FAM47E: variants seen among roughly 807,000 people sequenced by gnomAD.
FAM47E encodes family with sequence similarity 47 member E.
Under a neutral mutation model 41.6 loss-of-function variants are expected in FAM47E, and 32 were observed. The observed-to-expected ratio is 0.77, with a 90% CI of 0.58 to 1.03. The LOEUF is 1.03. FAM47E is among the 50% of genes least tolerant of loss of function. The probability of loss-of-function intolerance (pLI) is 0.00; values close to 1 mark genes in which losing one functional copy is unlikely to be tolerated. For missense variants in FAM47E, 424 were observed against 485.4 expected (o/e 0.87, Z 1.19); for synonymous variants, 184 against 188.7 (o/e 0.98, Z 0.20).
chr4:76,262,296 A>G (rs1578784847), intron 2 of FAM47E, among the ~76,000 whole-genome samples: 1 of 152,346 alleles, frequency 6.6e-6, no homozygotes, highest in South Asian at 2.1e-4. Flanking sequence ...CAAGACTTCA[A>G]AATATAGTTA....
upstream of FAM47E, among the ~76,000 whole-genome samples, chr4:76,247,867 T>C (rs573817817): frequency 2.7e-3 from 409 of 151,214 alleles, 1 homozygote; most frequent in Non-Finnish European, 3.9e-3. Context: ...AGGTATATGA[T>C]GTGCAAAGAT....
chr4:76,271,799 C>A, intron 5 of FAM47E, 31 bp downstream of exon 5: 1 of 1,538,744 alleles, frequency 6.5e-7, no homozygotes. Context: ...GACCGAAAAT[C>A]AAAGAAAATT....
chr4:76,237,493 C>T (rs545561903), intron 2 of FAM47E, among the ~76,000 whole-genome samples: 2 of 152,096 alleles, frequency 1.3e-5, no homozygotes, highest in East Asian at 1.9e-4. Context: ...CCCAATCCAG[C>T]TCCATGTATC....
intron 4 of FAM47E, among the ~76,000 whole-genome samples, chr4:76,270,799 G>A (rs28618267): frequency 0.2 from 30,761 of 152,072 alleles, 3,218 homozygotes; most frequent in Middle Eastern, 0.3. Flanking sequence ...GCACTAGCTT[G>A]TGCTTTTCCT....
rs185364914 is a variant in FAM47E, at chr4:76,232,847, T to C, written c.81+15159T>C. Among the ~76,000 whole-genome samples, 4 of 152,258 alleles carry C rather than the reference T, an allele frequency of 2.6e-5. No homozygotes were observed. In the East Asian group the frequency reaches 7.7e-4, roughly 29 times the overall value. On this transcript the variant is annotated intron_variant, in intron 2 of 7. Transcript: ENST00000510197. ...AACATTTGATATTATGAAATAGTGT[T>C]CCAGATTACTATAAACAATTTTGCC...
chr4:76,232,304 T>G (rs985325829), intron 2 of FAM47E, among the ~76,000 whole-genome samples: 2 of 152,232 alleles, frequency 1.3e-5, no homozygotes, highest in African/African-American at 4.8e-5. Flanking sequence ...ACATTTCAGC[T>G]CTTCATGAGT....
chr4:76,225,253 G>A (rs1051857990), intron 2 of FAM47E, among the ~76,000 whole-genome samples: 5 of 152,154 alleles, frequency 3.3e-5, no homozygotes, highest in Non-Finnish European at 7.3e-5. Context: ...AAAGACACAT[G>A]TGCAAGTGTC....
intron 2 of FAM47E, among the ~76,000 whole-genome samples, chr4:76,231,310 C>T (rs1733488457): frequency 2.0e-5 from 3 of 152,164 alleles, no homozygotes; most frequent in Admixed American, 2.0e-4. Context: ...GATAATTCCT[C>T]AGAATTAGAA....
intron 2 of FAM47E, among the ~76,000 whole-genome samples, chr4:76,227,522 G>A (rs565329724): frequency 6.6e-6 from 1 of 152,284 alleles, no homozygotes; most frequent in Admixed American, 6.5e-5. Context: ...TGCAGTTGTT[G>A]GGTATAATGT....
intron 2 of FAM47E, among the ~76,000 whole-genome samples, chr4:76,224,297 A>C (rs936646686): frequency 2.6e-5 from 4 of 152,210 alleles, no homozygotes; most frequent in Admixed American, 2.6e-4. Context: ...CGAAGGAAAA[A>C]TAAAACTTCT....
At chr4:76,233,043 A>G (rs35472515) in intron 2 of FAM47E, among the ~76,000 whole-genome samples, 22,739 of 152,118 alleles carry the variant, frequency 0.15, 2,000 homozygotes, top group East Asian at 0.35. Flanking sequence ...CTTTAACCCT[A>G]GGCAAAAATT....
At chr4:76,219,409 G>C (rs1237605329) in intron 2 of FAM47E, among the ~76,000 whole-genome samples, 1 of 152,216 alleles carries the variant, frequency 6.6e-6, no homozygotes, top group Non-Finnish European at 1.5e-5. Context: ...GTACTTTCTA[G>C]AAGCAAATGA....
In FAM47E at chr4:76,273,448, GCCTT is replaced by G. The variant is rs145989558; in HGVS notation, c.870+1684_870+1687del. ...TTTTAAAAATTTCACTAAAGGTCTT[GCCTT>G]CCTGTCTTCTTGGTTGTACTGTTTC... On this transcript the variant is annotated intron_variant, in intron 5 of 7. Coordinates refer to ENST00000424749, the MANE Select transcript of FAM47E (RefSeq NM_001136570.3). 9.5e-3 allele frequency among the ~76,000 whole-genome samples: 1,442 copies of G among 152,282 alleles called. 15 individuals are homozygous for G. Among genetic ancestry groups the G allele is most frequent in the African/African-American group, 0.032 (1,336 of 41,568 alleles).
At chr4:76,251,873 G>T in intron 1 of FAM47E, 53 bp downstream of exon 1, 3 of 1,363,202 alleles carry the variant, frequency 2.2e-6, no homozygotes, top group Non-Finnish European at 2.8e-6. Flanking sequence ...CCGCGCGGGG[G>T]CGCCTGGAGA....
At position 76,268,726 on chromosome 4, in the gene FAM47E, T is replaced by G; in HGVS notation, c.627T>G (p.Asp209Glu). The G allele has an allele frequency of 6.4e-7, 1 of 1,551,560 alleles. No individual in the cohort carries two copies. Among genetic ancestry groups the G allele is most frequent in the Non-Finnish European group, 8.7e-7 (1 of 1,146,940 alleles). The part of the protein sequence containing the change: ...WLYEEKPHKM[D>E]LLHENGPRPG... ...ATGAAGAAAAGCCACATAAAATGGATTTGCTCCATGAAAATGGTCCTCGTC... is the reference window on the plus strand; with the variant it reads ...ATGAAGAAAAGCCACATAAAATGGAGTTGCTCCATGAAAATGGTCCTCGTC... The change falls in exon 4 of 8, where the codon GAT (aspartate) becomes GAG (glutamate). Residue 209 changes from aspartate to glutamate, a missense_variant. Coordinates refer to ENST00000424749, the MANE Select transcript of FAM47E (RefSeq NM_001136570.3).
intron 2 of FAM47E, among the ~76,000 whole-genome samples, chr4:76,259,069 C>T (rs1734300595): frequency 6.6e-6 from 1 of 152,180 alleles, no homozygotes; most frequent in African/African-American, 2.4e-5. Flanking sequence ...GATCTACCCT[C>T]AGTGTTTCAG....
chr4:76,216,962 GCTGT>G (rs1733218858), intron 1 of FAM47E, among the ~76,000 whole-genome samples: 1 of 152,160 alleles, frequency 6.6e-6, no homozygotes, highest in African/African-American at 2.4e-5. Flanking sequence ...AGCTGGCCTG[GCTGT>G]CTTTCTGTTC....
chr4:76,250,818 A>G (rs1733942444), upstream of FAM47E, among the ~76,000 whole-genome samples: 1 of 152,156 alleles, frequency 6.6e-6, no homozygotes, highest in Admixed American at 6.5e-5. Context: ...GACAAATATT[A>G]CCACCCCCGG....
At chr4:76,261,848 GT>G (rs1015304309) in intron 2 of FAM47E, among the ~76,000 whole-genome samples, 7 of 151,162 alleles carry the variant, frequency 4.6e-5, no homozygotes, top group Admixed American at 1.3e-4. Flanking sequence ...AAAATAAAAA[GT>G]TTTTTTTTAA....
Sources: allele counts gnomAD v4.1 joint callset (sites outside exome capture counted in the v4.1 genomes callset), GRCh38; gene constraint gnomAD v4.1.1; transcripts MANE v1.5; gene names NCBI Gene and HGNC (gene_info 2026-07-23, HGNC 2026-07-21).